Variants in PID1 observed in about 807,000 individuals in gnomAD.
PID1 encodes phosphotyrosine interaction domain containing 1, also known as PTB-containing, cubilin and LRP1-interacting protein.
PID1 carries 10 observed loss-of-function variants against 19.1 expected under a neutral mutation model. That is an observed-to-expected ratio of 0.52 (90% confidence interval 0.32 to 0.89). PID1 has a LOEUF of 0.89. PID1 is among the 40% of genes least tolerant of loss of function. The probability of loss-of-function intolerance (pLI) is 0.03; values close to 1 mark genes in which losing one functional copy is unlikely to be tolerated. For missense variants in PID1, 248 were observed against 285.3 expected, an observed-to-expected ratio of 0.87 and a Z score of 0.94; for synonymous variants, 130 against 116.0, an observed-to-expected ratio of 1.12 and a Z score of -0.78.
At chr2:229,116,781 C>A (rs1362291790) in intron 2 of PID1, among the ~76,000 whole-genome samples, 1 of 152,158 alleles carries the variant, frequency 6.6e-6, no homozygotes, top group Non-Finnish European at 1.5e-5. Context: ...TGTATGAGAA[C>A]AGACTAATAC....
At chr2:229,031,185 C>T (rs535673519) in intron 2 of PID1, among the ~76,000 whole-genome samples, 1 of 124,680 alleles carries the variant, frequency 8.0e-6, no homozygotes, top group African/African-American at 3.2e-5. Context: ...TACTGCACTC[C>T]AACCTGGGCA....
Position 229,107,249 on chromosome 2 carries a change from T to C in PID1, c.177+48569A>G, listed in dbSNP as rs532214670. On this transcript the variant is annotated intron_variant, in intron 2 of 2. Transcript: ENST00000392055. ...TGGCTTCCAGAATGGAGAGAATAAGTTCCTGTTGTTTTAAGCCACCAAGTC... is the reference window on the plus strand; with the variant it reads ...TGGCTTCCAGAATGGAGAGAATAAGCTCCTGTTGTTTTAAGCCACCAAGTC... Among the ~76,000 whole-genome samples, 123 of 152,264 alleles carry C rather than the reference T, an allele frequency of 8.1e-4. 2 individuals carry two copies. The South Asian group carries it at 0.024, about 30-fold the overall frequency.
chr2:229,262,750 G>A, intron 1 of PID1: 3 of 1,551,630 alleles, frequency 1.9e-6, no homozygotes, highest in Non-Finnish European at 2.6e-6. Context: ...AAGCTCTGGA[G>A]AAGAACATGT....
intron 1 of PID1, among the ~76,000 whole-genome samples, chr2:229,163,686 T>C (rs145215309): frequency 7.2e-5 from 9 of 124,998 alleles, no homozygotes; most frequent in East Asian, 2.0e-4. Context: ...CGTGTGCGTG[T>C]GTGTGTGTGT....
chr2:229,139,356 C>A (rs966718180), intron 2 of PID1, among the ~76,000 whole-genome samples: 1 of 152,112 alleles, frequency 6.6e-6, no homozygotes, highest in Non-Finnish European at 1.5e-5. Flanking sequence ...TAAAGACAAA[C>A]GACTACAGAT....
intron 2 of PID1, among the ~76,000 whole-genome samples, chr2:229,055,949 A>T (rs2215600): frequency 0.44 from 66,882 of 152,136 alleles, 15,510 homozygotes; most frequent in Non-Finnish European, 0.52. Context: ...TTGCCTGTCC[A>T]AGTGGACACG....
chr2:229,259,084 A>G (rs1324144313), intron 1 of PID1, among the ~76,000 whole-genome samples: 1 of 150,570 alleles, frequency 6.6e-6, no homozygotes, highest in Admixed American at 6.6e-5. Context: ...AGTAGTTCTA[A>G]TAACTGTGTA....
intron 2 of PID1, among the ~76,000 whole-genome samples, chr2:229,154,327 C>T (rs1690320940): frequency 6.6e-6 from 1 of 152,056 alleles, no homozygotes; most frequent in South Asian, 2.1e-4. Flanking sequence ...TGGCCCATTC[C>T]CTGTTGTTCC....
At chr2:229,142,006 A>G (rs905622928) in intron 2 of PID1, among the ~76,000 whole-genome samples, 3 of 87,786 alleles carry the variant, frequency 3.4e-5, no homozygotes, top group South Asian at 7.8e-4. Context: ...GGATGTAATG[A>G]AAAAAAAAAT....
At chr2:229,213,392 A>G (rs566641873) in intron 1 of PID1, among the ~76,000 whole-genome samples, 103 of 152,338 alleles carry the variant, frequency 6.8e-4, no homozygotes, top group African/African-American at 2.3e-3. Flanking sequence ...ATCTGTCTAC[A>G]TCACTCATCT....
At chr2:229,120,509 C>A (rs1248341206) in intron 2 of PID1, among the ~76,000 whole-genome samples, 1 of 151,710 alleles carries the variant, frequency 6.6e-6, no homozygotes, top group Non-Finnish European at 1.5e-5. Context: ...GTCTTGCTGT[C>A]TTAGGGGTTG....
At chr2:229,260,203 C>T (rs1690418468) in intron 1 of PID1, among the ~76,000 whole-genome samples, 1 of 151,966 alleles carries the variant, frequency 6.6e-6, no homozygotes, top group South Asian at 2.1e-4. Flanking sequence ...TTTGGCAGTT[C>T]AGCCTAAAGA....
chr2:229,040,866 AG>A (rs1436910435), intron 2 of PID1, among the ~76,000 whole-genome samples: 2 of 152,360 alleles, frequency 1.3e-5, no homozygotes, highest in East Asian at 1.9e-4. Context: ...TAAGTTAAAA[AG>A]TAGCTATATA....
intron 2 of PID1, among the ~76,000 whole-genome samples, chr2:229,140,905 C>T (rs1689998045): frequency 6.6e-6 from 1 of 151,682 alleles, no homozygotes; most frequent in South Asian, 2.1e-4. Context: ...TTAAAGGGGT[C>T]TGTAATTTAA....
intron 2 of PID1, among the ~76,000 whole-genome samples, chr2:229,110,474 G>A (rs1043938886): frequency 2.6e-5 from 4 of 152,186 alleles, no homozygotes; most frequent in Admixed American, 2.0e-4. Flanking sequence ...GTACAGCCAA[G>A]GGGCAGTTCA....
chr2:229,142,745 G>C (rs1397716956), intron 2 of PID1, among the ~76,000 whole-genome samples: 1 of 152,186 alleles, frequency 6.6e-6, no homozygotes, highest in Non-Finnish European at 1.5e-5. Context: ...TACACTGTTG[G>C]TGGGACTGTA....
At chr2:229,042,020 T>C (rs1399984172) in intron 2 of PID1, among the ~76,000 whole-genome samples, 4 of 152,184 alleles carry the variant, frequency 2.6e-5, no homozygotes, top group Non-Finnish European at 4.4e-5. Flanking sequence ...GATTATAAAA[T>C]AGTATTGTAT....
At chr2:229,178,691 T>C (rs1003172888) in intron 1 of PID1, among the ~76,000 whole-genome samples, 2 of 152,190 alleles carry the variant, frequency 1.3e-5, no homozygotes, top group Non-Finnish European at 1.5e-5. Context: ...ATAAAGGCAT[T>C]TTAAATGACC....
chr2:229,259,492 C>CAGAT (rs974545447), intron 1 of PID1, among the ~76,000 whole-genome samples: 39 of 152,172 alleles, frequency 2.6e-4, no homozygotes, highest in African/African-American at 9.2e-4. Flanking sequence ...AATGTTTACA[C>CAGAT]AGATACACAC....
Sources: gnomAD v4.1 joint callset for allele counts (sites outside exome capture counted in the v4.1 genomes callset) on GRCh38, gnomAD v4.1.1 for gene constraint, MANE v1.5 for transcripts, NCBI Gene and HGNC (gene_info 2026-07-23, HGNC 2026-07-21) for gene names.